The following UNC13B variants were observed in gnomAD, a reference collection of about 807,000 sequenced individuals.
The protein encoded by UNC13B is protein unc-13 homolog B.
In UNC13B, 144 loss-of-function variants were observed where a neutral mutation model predicts 211.0. The observed-to-expected ratio is 0.68, with a 90% CI of 0.60 to 0.78. The LOEUF (loss-of-function observed/expected upper bound fraction) is 0.78, where lower values mean the gene tolerates loss of function less well. UNC13B is among the 30% of genes least tolerant of loss of function. The pLI is 0.00. For synonymous variants in UNC13B, 709 were observed against 725.8 expected (o/e 0.98, Z 0.37); for missense variants, 1,777 against 2,002.0 (o/e 0.89, Z 2.14).
At chr9:35,164,327 C>T (rs1049790911) in intron 1 of UNC13B, among the ~76,000 whole-genome samples, 1 of 152,222 alleles carries the variant, frequency 6.6e-6, no homozygotes. Context: ...CAAAATACAT[C>T]TTTCTAAAAT....
At chr9:35,244,506 A>C (rs1431093441) in intron 6 of UNC13B, among the ~76,000 whole-genome samples, 3 of 152,204 alleles carry the variant, frequency 2.0e-5, no homozygotes, top group Non-Finnish European at 4.4e-5. Context: ...CAGCAGGATC[A>C]GTTCAGCTCC....
chr9:35,344,444 C>A (rs193229866), intron 11 of UNC13B, among the ~76,000 whole-genome samples: 43 of 152,224 alleles, frequency 2.8e-4, no homozygotes, highest in Admixed American at 1.6e-3. Flanking sequence ...AATTAGGAGA[C>A]CTGGATTCTA....
At chr9:35,368,054 T>TA (rs950704051) in intron 12 of UNC13B, among the ~76,000 whole-genome samples, 2 of 152,168 alleles carry the variant, frequency 1.3e-5, no homozygotes, top group South Asian at 2.1e-4. Context: ...TTGTCATCTT[T>TA]AAAAAAAAAT....
chr9:35,284,261 G>A (rs911416194), intron 7 of UNC13B, among the ~76,000 whole-genome samples: 18 of 151,970 alleles, frequency 1.2e-4, no homozygotes, highest in Admixed American at 6.5e-4. Context: ...GCAAGATTCT[G>A]TTTCAAAAAA....
intron 11 of UNC13B, among the ~76,000 whole-genome samples, chr9:35,343,396 G>T (rs1012126887): frequency 7.2e-5 from 11 of 152,212 alleles, no homozygotes; most frequent in African/African-American, 2.4e-4. Flanking sequence ...AGGTTTCTAA[G>T]TTTTCCATGT....
intron 11 of UNC13B, among the ~76,000 whole-genome samples, chr9:35,332,600 A>C (rs1019757998): frequency 6.6e-6 from 1 of 152,118 alleles, no homozygotes; most frequent in African/African-American, 2.4e-5. Context: ...TTATTTGCTT[A>C]GACTATAGTA....
chr9:35,329,334 G>A (rs10972434), intron 11 of UNC13B, among the ~76,000 whole-genome samples: 30,597 of 151,950 alleles, frequency 0.2, 3,273 homozygotes, highest in Non-Finnish European at 0.24. Flanking sequence ...TATGACTAAT[G>A]TCCTTGGAAG....
chr9:35,350,163 C>G (rs1832623168), intron 11 of UNC13B, among the ~76,000 whole-genome samples: 1 of 152,184 alleles, frequency 6.6e-6, no homozygotes, highest in African/African-American at 2.4e-5. Context: ...TCCGTACACT[C>G]TCCACATTCT....
At chr9:35,249,666 A>G (rs977626559) in intron 6 of UNC13B, among the ~76,000 whole-genome samples, 4 of 152,158 alleles carry the variant, frequency 2.6e-5, no homozygotes, top group Non-Finnish European at 4.4e-5. Flanking sequence ...TTTCTTTAAG[A>G]ATGTTGAATA....
At chr9:35,332,096 C>T (rs1831404621) in intron 11 of UNC13B, among the ~76,000 whole-genome samples, 1 of 152,110 alleles carries the variant, frequency 6.6e-6, no homozygotes, top group Non-Finnish European at 1.5e-5. Context: ...ATTCTCCTGC[C>T]TTAGCCTCCC....
intron 9 of UNC13B, among the ~76,000 whole-genome samples, chr9:35,309,263 G>A (rs1451130559): frequency 7.5e-6 from 1 of 133,032 alleles, no homozygotes; most frequent in African/African-American, 2.8e-5. Flanking sequence ...GTGTGTGTGT[G>A]TATACTTATG....
chr9:35,353,003 G>A (rs1832815681), intron 11 of UNC13B: 1 of 1,232,038 alleles, frequency 8.1e-7, no homozygotes, highest in Admixed American at 4.2e-5. Context: ...CAAGCTCCTG[G>A]GCTGCGAAGC....
In UNC13B at chr9:35,305,121, C is replaced by A; in HGVS notation, c.5717C>A (p.Ser1906Ter). 2.5e-6 allele frequency: 1 copy of A among 398,850 alleles called. No individual in the cohort carries two copies. The highest frequency in any genetic ancestry group is 1.3e-4 in the South Asian group (1 of 7,826). 24.7% of individuals were successfully genotyped at this position (398,850 alleles called of 1,614,324 possible). The change falls in exon 9 of 40, where the codon TCA (serine) becomes TAA (stop). Residue 1906 changes from serine (S) to a stop codon, truncating the protein, a stop_gained. Transcript: ENST00000635942. LOFTEE classifies it high-confidence loss of function. ...AATTATGAGCTTCCCCAGGGCCAGT[C>A]ATCCAAAGAGTCTGATAAAACATTA... is the stretch of plus-strand genomic sequence containing the variant. The part of the protein sequence containing the change: ...RENYELPQGQ[S>*]SKESDKTLFK...
intron 11 of UNC13B, among the ~76,000 whole-genome samples, chr9:35,333,613 A>C (rs1831487938): frequency 6.6e-6 from 1 of 152,134 alleles, no homozygotes; most frequent in Non-Finnish European, 1.5e-5. Flanking sequence ...CTTTCCTTTT[A>C]GTTTCCACAT....
At chr9:35,244,309 A>G (rs909241819) in intron 6 of UNC13B, among the ~76,000 whole-genome samples, 23 of 152,194 alleles carry the variant, frequency 1.5e-4, no homozygotes, top group Admixed American at 1.5e-3. Flanking sequence ...AAATAGAGCT[A>G]TTGGATTTGG....
At chr9:35,361,870 G>T (rs1186171367) in intron 11 of UNC13B, 1 of 152,218 alleles carries the variant, frequency 6.6e-6, no homozygotes, top group African/African-American at 2.4e-5. Context: ...TAGGCTGGGT[G>T]TGGGAGGGAG....
chr9:35,269,308 CA>C (rs1474523961), intron 7 of UNC13B, among the ~76,000 whole-genome samples: 1 of 152,144 alleles, frequency 6.6e-6, no homozygotes, highest in Admixed American at 6.6e-5. Flanking sequence ...TTAAAGGATA[CA>C]AACAAATAGC....
chr9:35,274,009 C>T (rs941345441), intron 7 of UNC13B, among the ~76,000 whole-genome samples: 3 of 152,270 alleles, frequency 2.0e-5, no homozygotes, highest in East Asian at 1.9e-4. Context: ...TATCACTCCA[C>T]CATTTCATGC....
At position 35,308,142 on chromosome 9, in the gene UNC13B, A is replaced by T. The variant is rs1335536639; in HGVS notation, c.8738A>T (p.Glu2913Val). ...TCTGAGCAGCTGGTGGCCAGTCCAG[A>T]GGTCTGTGCTCAGGGGCTTTCAGGG... The part of the protein sequence containing the change: ...GTSEQLVASP[E>V]VCAQGLSGSG... The change falls in exon 9 of 40, where the codon GAG becomes GTG. Residue 2913 changes from glutamate (E) to valine (V), a missense_variant. Coordinates refer to ENST00000635942, the MANE Select transcript of UNC13B (RefSeq NM_001371189.2). The T allele has an allele frequency of 1.5e-5, 6 of 399,102 alleles. No homozygotes were observed. Among genetic ancestry groups the T allele is most frequent in the Non-Finnish European group, 2.7e-5 (6 of 226,242 alleles). 24.7% of individuals were successfully genotyped at this position (399,102 alleles called of 1,614,324 possible). A position where few individuals can be genotyped will look rare whatever the true frequency, so the allele number is the denominator to read the frequency against.
Sources: gnomAD v4.1 joint callset for allele counts (sites outside exome capture counted in the v4.1 genomes callset) on GRCh38, gnomAD v4.1.1 for gene constraint, MANE v1.5 for transcripts, NCBI Gene and HGNC (gene_info 2026-07-23, HGNC 2026-07-21) for gene names.